The following EYA2 variants were observed in gnomAD, a reference collection of about 807,000 sequenced individuals.
EYA2 encodes the protein EYA transcriptional coactivator and phosphatase 2, also known as protein phosphatase EYA2.
In EYA2, 31 loss-of-function variants were observed where a neutral mutation model predicts 69.2. The observed-to-expected ratio is 0.45, with a 90% confidence interval of 0.34 to 0.60. The LOEUF (loss-of-function observed/expected upper bound fraction) is 0.60, where lower values mean the gene tolerates loss of function less well. Among genes scored for constraint, EYA2 ranks in the 20% least tolerant of loss-of-function variants. The pLI is 0.02. For missense variants in EYA2, 622 were observed against 701.2 expected (o/e 0.89, Z 1.28); for synonymous variants, 257 against 279.4 (o/e 0.92, Z 0.80).
intron 7 of EYA2, among the ~76,000 whole-genome samples, chr20:47,085,002 A>G (rs1245456018): frequency 1.3e-5 from 2 of 151,580 alleles, no homozygotes; most frequent in African/African-American, 2.4e-5. Context: ...AACCCAGTTA[A>G]TTTTTGTATT....
chr20:47,057,137 GGGAGGAAGGAAGGAAGGAAGGA>G (rs2030662663), intron 5 of EYA2, among the ~76,000 whole-genome samples: 1 of 124,746 alleles, frequency 8.0e-6, no homozygotes, highest in South Asian at 2.7e-4. Context: ...ACAGGAAGGA[GGGAGGAAGGAAGGAAGGAAGGA>G]AGGAAGGAAG....
intron 1 of EYA2, among the ~76,000 whole-genome samples, chr20:46,980,840 T>C (rs556543719): frequency 2.0e-5 from 3 of 152,216 alleles, no homozygotes; most frequent in Non-Finnish European, 4.4e-5. Context: ...CCACATGTGA[T>C]TGAGAACATG....
intron 1 of EYA2, among the ~76,000 whole-genome samples, chr20:46,912,559 G>T (rs907238113): frequency 6.6e-6 from 1 of 152,168 alleles, no homozygotes; most frequent in Non-Finnish European, 1.5e-5. Flanking sequence ...TTGTTTAGGG[G>T]GGAAAGAAGA....
chr20:46,941,845 A>G (rs1163346320), intron 1 of EYA2, among the ~76,000 whole-genome samples: 1 of 151,882 alleles, frequency 6.6e-6, no homozygotes, highest in East Asian at 1.9e-4. Context: ...TGTAGCCTCA[A>G]ACTCCTGGGC....
At chr20:47,050,886 C>T (rs567519986) in intron 5 of EYA2, among the ~76,000 whole-genome samples, 83 of 152,332 alleles carry the variant, frequency 5.4e-4, no homozygotes, top group African/African-American at 1.9e-3. Flanking sequence ...AACCTTGCAG[C>T]GTTTTACGAG....
chr20:47,072,718 C>T (rs1267394295), intron 6 of EYA2, among the ~76,000 whole-genome samples: 1 of 152,128 alleles, frequency 6.6e-6, no homozygotes, highest in Non-Finnish European at 1.5e-5. Flanking sequence ...TTGGCTAGTA[C>T]TTTGATTCTC....
chr20:47,045,671 A>G (rs556554813), intron 5 of EYA2, among the ~76,000 whole-genome samples: 3 of 152,336 alleles, frequency 2.0e-5, no homozygotes, highest in East Asian at 1.9e-4. Context: ...ATCCGTCTAC[A>G]TGAGCAATGG....
chr20:47,004,450 C>G (rs1982568094), intron 3 of EYA2, among the ~76,000 whole-genome samples: 1 of 150,676 alleles, frequency 6.6e-6, no homozygotes, highest in East Asian at 1.9e-4. Flanking sequence ...ATCAGTAAAC[C>G]TCGACATCTC....
At chr20:47,030,463 G>A (rs1984343480) in intron 5 of EYA2, among the ~76,000 whole-genome samples, 1 of 152,238 alleles carries the variant, frequency 6.6e-6, no homozygotes, top group Non-Finnish European at 1.5e-5. Context: ...TCTGTTGCAG[G>A]CAGCATGCTA....
chr20:46,968,785 GC>G (rs1468365547), intron 1 of EYA2, among the ~76,000 whole-genome samples: 1 of 151,536 alleles, frequency 6.6e-6, no homozygotes, highest in Non-Finnish European at 1.5e-5. Flanking sequence ...ACCCCGCCGC[GC>G]CCCCCACCGA....
At chr20:47,019,391 G>GC (rs1343684366) in intron 5 of EYA2, among the ~76,000 whole-genome samples, 4 of 152,216 alleles carry the variant, frequency 2.6e-5, no homozygotes, top group Non-Finnish European at 4.4e-5. Flanking sequence ...CATTTTGCAA[G>GC]CCTGACATAT....
At chr20:46,895,399 G>A (rs1182677226) in intron 1 of EYA2, among the ~76,000 whole-genome samples, 2 of 152,256 alleles carry the variant, frequency 1.3e-5, no homozygotes, top group African/African-American at 4.8e-5. Flanking sequence ...AAGCCCTCAG[G>A]TAGTGTTTAT....
At chr20:47,077,184 C>T (rs892399014) in intron 7 of EYA2, among the ~76,000 whole-genome samples, 2 of 152,202 alleles carry the variant, frequency 1.3e-5, no homozygotes, top group African/African-American at 4.8e-5. Flanking sequence ...ATGTCCACAA[C>T]CTTGATATGG....
At chr20:47,180,725 A>T in intron 13 of EYA2, 90 bp from the exon 14 acceptor site, 1 of 1,516,466 alleles carries the variant, frequency 6.6e-7, no homozygotes, top group Non-Finnish European at 8.9e-7. Flanking sequence ...AGCCTACCAG[A>T]TTTCCCGCCA....
intron 5 of EYA2, among the ~76,000 whole-genome samples, chr20:47,053,698 T>C (rs1293661587): frequency 2.0e-5 from 3 of 149,712 alleles, no homozygotes; most frequent in Non-Finnish European, 3.0e-5. Flanking sequence ...AGTAAGATTC[T>C]TCTATCTCCC....
intron 12 of EYA2, among the ~76,000 whole-genome samples, chr20:47,177,184 C>T (rs903662050): frequency 4.6e-5 from 7 of 152,234 alleles, no homozygotes; most frequent in Admixed American, 2.0e-4. Context: ...ATGATCTCGG[C>T]TCACTGCACC....
intron 2 of EYA2, among the ~76,000 whole-genome samples, chr20:46,991,788 T>G (rs958629728): frequency 6.6e-6 from 1 of 151,890 alleles, no homozygotes; most frequent in South Asian, 2.1e-4. Context: ...ACCAACATGG[T>G]GAAACCTCGT....
chr20:46,954,795 G>T (rs1264392731), intron 1 of EYA2, among the ~76,000 whole-genome samples: 2 of 152,212 alleles, frequency 1.3e-5, no homozygotes, highest in African/African-American at 4.8e-5. Context: ...CAGGGAAATA[G>T]GTTCTGCTAA....
At chr20:47,052,093 G>A (rs1348726773) in intron 5 of EYA2, among the ~76,000 whole-genome samples, 1 of 152,060 alleles carries the variant, frequency 6.6e-6, no homozygotes, top group East Asian at 1.9e-4. Context: ...CCTACCACGT[G>A]CCTCCCACTC....
Sources: gnomAD v4.1 joint callset for allele counts (sites outside exome capture counted in the v4.1 genomes callset) on GRCh38, gnomAD v4.1.1 for gene constraint, MANE v1.5 for transcripts, NCBI Gene and HGNC (gene_info 2026-07-23, HGNC 2026-07-21) for gene names.